PICK1: variants seen among roughly 807,000 people sequenced by gnomAD.
The protein encoded by PICK1 is protein interacting with PRKCA 1.
Under a neutral mutation model 48.9 loss-of-function variants are expected in PICK1, and 23 were observed. The observed-to-expected ratio is 0.47, with a 90% CI of 0.34 to 0.67. The LOEUF (loss-of-function observed/expected upper bound fraction) is 0.67, where lower values mean the gene tolerates loss of function less well. Ranked by LOEUF, PICK1 falls within the 30% of genes least tolerant of loss-of-function variation. PICK1 has a pLI of 0.01. For synonymous variants in PICK1, 217 were observed against 228.2 expected (o/e 0.95, Z 0.44); for missense variants, 423 against 557.1 (o/e 0.76, Z 2.42).
chr22:38,061,209 C>T (rs112261617), intron 3 of PICK1, among the ~76,000 whole-genome samples: 54 of 152,042 alleles, frequency 3.6e-4, no homozygotes, highest in African/African-American at 1.3e-3. Context: ...GGCATGATGG[C>T]GGGTTCCTGT....
At chr22:38,071,534 C>T (rs2085692640) in intron 7 of PICK1, 148 bp from the exon 8 acceptor site, 4 of 780,802 alleles carry the variant, frequency 5.1e-6, no homozygotes, top group African/African-American at 1.7e-5. Flanking sequence ...GAGCTTTTAC[C>T]CCTGGGCTGT....
At chr22:38,058,025 T>G in intron 2 of PICK1, 175 bp downstream of exon 2, 1 of 690,574 alleles carries the variant, frequency 1.4e-6, no homozygotes, top group Non-Finnish European at 2.7e-6. Flanking sequence ...CTGTGGACAG[T>G]TAAAGGGATA....
chr22:38,069,621 C>T (rs567508656), intron 6 of PICK1, among the ~76,000 whole-genome samples: 3 of 152,338 alleles, frequency 2.0e-5, no homozygotes, highest in South Asian at 2.1e-4. Flanking sequence ...CTCCTACCGT[C>T]GCCAGTCCGA....
chr22:38,071,562 A>G, intron 7 of PICK1, 120 bp from the exon 8 acceptor site: 1 of 895,328 alleles, frequency 1.1e-6, no homozygotes, highest in Admixed American at 1.7e-5. Context: ...CGGTGGGGAA[A>G]GGCCATGTAT....
In PICK1 at chr22:38,074,177, T is replaced by C. The variant is rs1389134764; in HGVS notation, c.835-130T>C. On this transcript the variant is annotated intron_variant, in intron 11 of 12. Coordinates refer to ENST00000356976, the MANE Select transcript of PICK1 (RefSeq NM_012407.4). The surrounding 1 kb of genome is among the most constrained non-coding windows in gnomAD (Gnocchi z 4.5). The stretch of plus-strand genomic sequence containing the variant: ...TTTTTCCTCTCTTCAAAGCTATCAC[T>C]GAGTGCTTCTGAGAAACACTGAAGT... 3.5e-6 allele frequency: 4 copies of C among 1,132,946 alleles called. No individual in the cohort carries two copies. The highest frequency in any genetic ancestry group is 4.9e-5 in the East Asian group (2 of 40,680). 70.2% of individuals were successfully genotyped at this position (1,132,946 alleles called of 1,614,324 possible).
At position 38,067,719 on chromosome 22, in the gene PICK1, C is replaced by T. The variant is rs1278380187; in HGVS notation, c.298C>T (p.His100Tyr). 6.2e-7 allele frequency: 1 copy of T among 1,613,940 alleles called. No individual in the cohort carries two copies. Among genetic ancestry groups the T allele is most frequent in the South Asian group, 1.1e-5 (1 of 91,076 alleles). Residue 100 changes from histidine to tyrosine, a missense_variant, in exon 5 of 13, where the codon CAC becomes TAC. Physicochemically the swap from His to Tyr is moderately conservative, Grantham distance 83. Transcript: ENST00000356976. ...IQEVKGEVTI[H>Y]YNKLQADPKQ... is the part of the protein sequence containing the mutation. ...GCTCTTCCAGGGGGAGGTGACCATC[C>T]ACTACAACAAGCTGCAGGCGGACCC...
chr22:38,069,781 C>T (rs939514628), intron 6 of PICK1, among the ~76,000 whole-genome samples: 3 of 152,118 alleles, frequency 2.0e-5, no homozygotes, highest in South Asian at 2.1e-4. Flanking sequence ...ACAAAAGTGG[C>T]GGCTGCTATT....
Position 38,074,160 on chromosome 22 carries a change from C to G in PICK1, c.835-147C>G, listed in dbSNP as rs2085770951. 4.1e-6 allele frequency: 4 copies of G among 966,484 alleles called. No individual in the cohort carries two copies. In the East Asian group the frequency reaches 1.0e-4, roughly 25 times the overall value. 59.9% of individuals were successfully genotyped at this position (966,484 alleles called of 1,614,324 possible). A position where few individuals can be genotyped will look rare whatever the true frequency, so the allele number is the denominator to read the frequency against. On this transcript the variant is annotated intron_variant, in intron 11 of 12. Coordinates refer to ENST00000356976, the MANE Select transcript of PICK1 (RefSeq NM_012407.4). The surrounding 1 kb of genome is among the most constrained non-coding windows in gnomAD (Gnocchi z 4.5). ...AGAGGTTTGGGTTTGGTTTTTTCCTCTCTTCAAAGCTATCACTGAGTGCTT... is the reference window on the plus strand; with the variant it reads ...AGAGGTTTGGGTTTGGTTTTTTCCTGTCTTCAAAGCTATCACTGAGTGCTT...
chr22:38,057,892 C>T (rs769449220), intron 2 of PICK1, 42 bp downstream of exon 2: 4 of 1,508,712 alleles, frequency 2.7e-6, no homozygotes, highest in Non-Finnish European at 3.7e-6. Context: ...TATAGGAGCC[C>T]CAAGTTCCTC....
At chr22:38,072,448 G>T in intron 8 of PICK1, 29 bp from the exon 9 acceptor site, 4 of 1,607,006 alleles carry the variant, frequency 2.5e-6, no homozygotes, top group Non-Finnish European at 3.4e-6. Flanking sequence ...CCAAGTAGGG[G>T]CAGCCTTCAA....
chr22:38,065,925 C>T (rs139123141), intron 4 of PICK1, among the ~76,000 whole-genome samples: 1,609 of 152,208 alleles, frequency 0.011, 16 homozygotes, highest in South Asian at 0.017. Flanking sequence ...CAGCTACCTC[C>T]CTCAGCCCCA....
At chr22:38,072,141 C>T (rs2085712463) in intron 8 of PICK1, 3 of 501,020 alleles carry the variant, frequency 6.0e-6, no homozygotes, top group Non-Finnish European at 7.3e-6. Context: ...TGTCTAGACT[C>T]GGACCAGTGT....
At position 38,059,282 on chromosome 22, in the gene PICK1, G is replaced by C. The variant is rs5756896; in HGVS notation, c.90G>C (p.Gln30His). ...PGKVTLQKDA[Q>H]NLIGISIGGG... The stretch of plus-strand genomic sequence containing the variant: ...AGGTGACCCTGCAGAAGGATGCTCA[G>C]AACCTGATCGGGATCAGCATTGGAG... The change falls in exon 3 of 13, where the codon CAG becomes CAC. Residue 30 changes from glutamine to histidine, a missense_variant. Gln to His is a conservative substitution (Grantham distance 24). Coordinates refer to ENST00000356976, the MANE Select transcript of PICK1 (RefSeq NM_012407.4). The C allele has an allele frequency of 5.0e-5, 79 of 1,582,286 alleles. No individual in the cohort carries two copies. Among genetic ancestry groups the C allele is most frequent in the Non-Finnish European group, 6.4e-5 (74 of 1,163,588 alleles).
chr22:38,070,045 G>A (rs566215964), intron 6 of PICK1, among the ~76,000 whole-genome samples: 4 of 152,332 alleles, frequency 2.6e-5, no homozygotes, highest in Non-Finnish European at 4.4e-5. Context: ...GGAGGCCACC[G>A]GGTGGCCAAA....
chr22:38,075,393 G>A lies in PICK1; in HGVS notation c.*261G>A. Reference sequence around the variant, plus strand: ...GGCCAGAGGGAGAGCTTGGTCTCTGGACCTGCCTTAGGAAGGAGAGGGAGG... The same window carrying A: ...GGCCAGAGGGAGAGCTTGGTCTCTGAACCTGCCTTAGGAAGGAGAGGGAGG... On this transcript the variant is annotated 3_prime_UTR_variant, in exon 13 of 13. Coordinates refer to ENST00000356976, the MANE Select transcript of PICK1 (RefSeq NM_012407.4). 1.9e-6 allele frequency: 1 copy of A among 513,140 alleles called. No individual in the cohort carries two copies. Among genetic ancestry groups the A allele is most frequent in the Non-Finnish European group, 3.5e-6 (1 of 288,066 alleles). The allele number at this position is 513,140 out of a possible 1,614,324, so 31.8% of individuals were successfully genotyped here.
rs1455544648 is a variant in PICK1 at position 38,074,843 on chromosome 22, TC to T, written c.980-16del. ...GGCAGCCAGAGCCCACTGCAGCCTG[TC>T]CCCCGACCTCCCACCCCAGTCCAGG... is the stretch of plus-strand genomic sequence containing the variant. On this transcript the variant is annotated intron_variant, in intron 12 of 12. Coordinates refer to ENST00000356976, the MANE Select transcript of PICK1 (RefSeq NM_012407.4). The surrounding 1 kb of genome is among the most constrained non-coding windows in gnomAD (Gnocchi z 4.5). The T allele has an allele frequency of 3.7e-6, 6 of 1,607,826 alleles. No homozygotes were observed. The highest frequency in any genetic ancestry group is 1.7e-4 in the Middle Eastern group (1 of 6,050).
chr22:38,065,222 G>T (rs1414612250), intron 4 of PICK1, 92 bp downstream of exon 4: 24 of 1,342,980 alleles, frequency 1.8e-5, no homozygotes, highest in Non-Finnish European at 2.2e-5. Flanking sequence ...CCTGGAAGGG[G>T]GTATCAGCCC....
chr22:38,075,251 T>A lies in PICK1; in HGVS notation c.*119T>A. 1.0e-6 allele frequency: 1 copy of A among 960,990 alleles called. No homozygotes were observed. The highest frequency in any genetic ancestry group is 1.5e-6 in the Non-Finnish European group (1 of 663,318). The allele number at this position is 960,990 out of a possible 1,614,324, so 59.5% of individuals were successfully genotyped here. ...GGCCTGCTGGCTTGGGGCGCCTGCCTCCCTGCTCCTCTGTCCTCGCACAGC... is the reference window on the plus strand; with the variant it reads ...GGCCTGCTGGCTTGGGGCGCCTGCCACCCTGCTCCTCTGTCCTCGCACAGC... On this transcript the variant is annotated 3_prime_UTR_variant, in exon 13 of 13. Coordinates refer to ENST00000356976, the MANE Select transcript of PICK1 (RefSeq NM_012407.4).
intron 4 of PICK1, 83 bp downstream of exon 4, chr22:38,065,213 C>T (rs1391142990): frequency 8.3e-6 from 12 of 1,440,514 alleles, no homozygotes; most frequent in Non-Finnish European, 1.1e-5. Flanking sequence ...CCCAGCAGGC[C>T]TGGAAGGGGG....
Sources: gnomAD v4.1 joint callset for allele counts (sites outside exome capture counted in the v4.1 genomes callset) on GRCh38, gnomAD v4.1.1 for gene constraint, Gnocchi (gnomAD v3.1) non-coding constraint, MANE v1.5 for transcripts, NCBI Gene and HGNC (gene_info 2026-07-23, HGNC 2026-07-21) for gene names.